Variants in RBPMS observed in about 807,000 individuals in gnomAD.
RBPMS encodes RNA-binding protein with multiple splicing.
In RBPMS, 7 loss-of-function variants were observed where a neutral mutation model predicts 26.8. The observed-to-expected ratio is 0.26, with a 90% CI of 0.15 to 0.49. The LOEUF (loss-of-function observed/expected upper bound fraction) is 0.49. Among genes scored for constraint, RBPMS ranks in the 20% least tolerant of loss-of-function variants. RBPMS has a pLI of 0.98. For missense variants in RBPMS, 186 were observed against 250.0 expected (o/e 0.74, Z 1.73); for synonymous variants, 96 against 93.3 (o/e 1.03, Z -0.17).
At chr8:30,569,562 G>C (rs1159640563) in intron 8 of RBPMS, among the ~76,000 whole-genome samples, 1 of 152,198 alleles carries the variant, frequency 6.6e-6, no homozygotes, top group Non-Finnish European at 1.5e-5. Context: ...AGGCCTTGAA[G>C]GATGTGTTAG....
rs557838695 is a variant in RBPMS at position 30,559,193 on chromosome 8, C to T, written c.*7+237C>T. On this transcript the variant is annotated intron_variant, in intron 7 of 8. Transcript: ENST00000397323. ...TCTAACTTAGGAAACCAGTACCTGG[C>T]CTCCCCACTTAAAAATAAGCAGTCA... Among the ~76,000 whole-genome samples the T allele has an allele frequency of 2.6e-5, 4 of 152,306 alleles. No individual in the cohort carries two copies. The South Asian group carries it at 8.3e-4, about 32-fold the overall frequency.
intron 4 of RBPMS, among the ~76,000 whole-genome samples, chr8:30,496,123 C>T (rs1027737290): frequency 6.6e-6 from 1 of 151,750 alleles, no homozygotes; most frequent in Admixed American, 6.6e-5. Flanking sequence ...CTAATGAATG[C>T]CTGTGTGGTA....
chr8:30,539,091 T>A (rs1197031302), intron 5 of RBPMS, among the ~76,000 whole-genome samples: 4 of 152,224 alleles, frequency 2.6e-5, no homozygotes, highest in African/African-American at 9.6e-5. Context: ...GGGAGTTGAT[T>A]GCTAACAGAA....
chr8:30,507,472 A>T (rs1821185708), intron 5 of RBPMS, among the ~76,000 whole-genome samples: 1 of 152,190 alleles, frequency 6.6e-6, no homozygotes, highest in Non-Finnish European at 1.5e-5. Flanking sequence ...GCAGATATTG[A>T]TCTTCTGAGT....
chr8:30,554,695 C>T (rs1826703195), intron 6 of RBPMS, among the ~76,000 whole-genome samples: 1 of 152,082 alleles, frequency 6.6e-6, no homozygotes, highest in African/African-American at 2.4e-5. Flanking sequence ...CTGACAAGTT[C>T]CCAGGTGATG....
rs1452416239 is a variant in RBPMS at position 30,571,314 on chromosome 8, C to G, written c.*789C>G. On this transcript the variant is annotated 3_prime_UTR_variant, in exon 9 of 9. Transcript: ENST00000397323. Reference sequence around the variant, plus strand: ...CTAGTAGCTCCAGCTGTGACTATATCAACTGTGTGCCAAGTGTGACTTTGT... The same window carrying G: ...CTAGTAGCTCCAGCTGTGACTATATGAACTGTGTGCCAAGTGTGACTTTGT... 4.6e-5 allele frequency: 7 copies of G among 152,244 alleles called. No homozygotes were observed. The highest frequency in any genetic ancestry group is 1.7e-4 in the African/African-American group (7 of 41,460). 9.4% of individuals were successfully genotyped at this position (152,244 alleles called of 1,614,324 possible). A position where few individuals can be genotyped will look rare whatever the true frequency, so the allele number is the denominator to read the frequency against.
At chr8:30,393,446 T>A (rs945324674) in intron 1 of RBPMS, among the ~76,000 whole-genome samples, 5 of 152,156 alleles carry the variant, frequency 3.3e-5, no homozygotes, top group Admixed American at 3.3e-4. Flanking sequence ...TTTGACTTTT[T>A]TGGGGAAAAG....
At chr8:30,449,438 T>G (rs1386843041) in intron 1 of RBPMS, among the ~76,000 whole-genome samples, 1 of 149,936 alleles carries the variant, frequency 6.7e-6, no homozygotes, top group Non-Finnish European at 1.5e-5. Flanking sequence ...TGGCACGATT[T>G]CAGCTCACTG....
chr8:30,489,833 C>T (rs549517518), intron 4 of RBPMS, among the ~76,000 whole-genome samples: 4 of 151,378 alleles, frequency 2.6e-5, no homozygotes, highest in Non-Finnish European at 5.9e-5. Context: ...GTTTTTGAGA[C>T]GGAGTCTCGC....
At chr8:30,561,593 G>A (rs1310433300) in intron 7 of RBPMS, among the ~76,000 whole-genome samples, 1 of 152,202 alleles carries the variant, frequency 6.6e-6, no homozygotes, top group Non-Finnish European at 1.5e-5. Flanking sequence ...TGGAAGAGAG[G>A]CCCCTTGCCA....
intron 6 of RBPMS, chr8:30,556,476 C>A (rs978645539): frequency 5.7e-5 from 56 of 985,872 alleles, no homozygotes; most frequent in Non-Finnish European, 6.6e-5. Context: ...ACCATGCCAT[C>A]CACTGTGCAG....
chr8:30,514,183 AG>A (rs1356711316), intron 5 of RBPMS, among the ~76,000 whole-genome samples: 2 of 152,208 alleles, frequency 1.3e-5, no homozygotes, highest in African/African-American at 4.8e-5. Context: ...ATTTTGCCTA[AG>A]AATGTTTTTG....
At chr8:30,459,953 A>C (rs1815700587) in intron 1 of RBPMS, among the ~76,000 whole-genome samples, 1 of 152,184 alleles carries the variant, frequency 6.6e-6, no homozygotes, top group Non-Finnish European at 1.5e-5. Context: ...GTTGTACATC[A>C]TAGCAAGACT....
At chr8:30,485,611 A>T (rs1359754019) in intron 4 of RBPMS, among the ~76,000 whole-genome samples, 11 of 152,210 alleles carry the variant, frequency 7.2e-5, no homozygotes, top group Non-Finnish European at 1.6e-4. Flanking sequence ...AGCCGCTGTG[A>T]TGTGGGGCCA....
chr8:30,562,079 C>G, intron 7 of RBPMS: 1 of 977,194 alleles, frequency 1.0e-6, no homozygotes, highest in Non-Finnish European at 1.2e-6. Context: ...GCCTGTCATC[C>G]CAGCACTTTG....
chr8:30,408,516 G>A (rs1212457019), intron 1 of RBPMS, among the ~76,000 whole-genome samples: 1 of 152,042 alleles, frequency 6.6e-6, no homozygotes, highest in Non-Finnish European at 1.5e-5. Flanking sequence ...GCAACAGAAC[G>A]AGACTGTCTC....
intron 1 of RBPMS, among the ~76,000 whole-genome samples, chr8:30,444,343 A>C (rs1813482820): frequency 6.6e-6 from 1 of 152,246 alleles, no homozygotes; most frequent in South Asian, 2.1e-4. Flanking sequence ...TAAAGCTATA[A>C]ATAGTTTTAC....
intron 6 of RBPMS, chr8:30,545,404 C>T (rs1283263132): frequency 1.9e-6 from 2 of 1,057,062 alleles, no homozygotes; most frequent in Non-Finnish European, 2.3e-6. Flanking sequence ...TAAAGATTCA[C>T]CTCTGGAGAT....
At position 30,410,143 on chromosome 8, in the gene RBPMS, T is replaced by TACACACACACACAC. The variant is rs34489233; in HGVS notation, c.66+25020_66+25033dup. On this transcript the variant is annotated intron_variant, in intron 1 of 8. Coordinates refer to ENST00000397323, the MANE Select transcript of RBPMS (RefSeq NM_001008710.3). ...AGCTTACATTCTGGGTGACTTAAAA[T>TACACACACACACAC]ACACACACACACACACACACACACA... 1.7e-3 allele frequency among the ~76,000 whole-genome samples: 230 copies of TACACACACACACAC among 132,192 alleles called. 1 individual carries two copies. Among genetic ancestry groups the TACACACACACACAC allele is most frequent in the Non-Finnish European group, 2.5e-3 (155 of 62,056 alleles). The allele number at this position is 132,192 out of a possible 152,430, so 86.7% of individuals were successfully genotyped here. A position where few individuals can be genotyped will look rare whatever the true frequency, so the allele number is the denominator to read the frequency against.
Sources: gnomAD v4.1 joint callset for allele counts (sites outside exome capture counted in the v4.1 genomes callset) on GRCh38, gnomAD v4.1.1 for gene constraint, MANE v1.5 for transcripts, NCBI Gene and HGNC (gene_info 2026-07-23, HGNC 2026-07-21) for gene names.